KLHL13: variants seen among roughly 807,000 people sequenced by gnomAD.
The protein encoded by KLHL13 is kelch like family member 13.
KLHL13 carries 10 observed loss-of-function variants against 37.1 expected under a neutral mutation model. The ratio of observed to expected loss-of-function variants is 0.27; its 90% CI spans 0.17 to 0.46. The LOEUF (loss-of-function observed/expected upper bound fraction) is 0.46. Ranked by LOEUF, KLHL13 falls within the 20% of genes least tolerant of loss-of-function variation. The pLI, the probability that KLHL13 is intolerant of heterozygous loss-of-function variation, is 1.00. For synonymous variants in KLHL13, 163 were observed against 181.2 expected, an observed-to-expected ratio of 0.90 and a Z score of 0.81; for missense variants, 360 against 509.3, an observed-to-expected ratio of 0.71 and a Z score of 2.82.
intron 1 of KLHL13, chrX:117,985,390 T>C: frequency 2.0e-6 from 2 of 990,180 alleles, no homozygotes; most frequent in Non-Finnish European, 2.6e-6. Context: ...CCAGTGCATC[T>C]GCCTGGTACA....
chrX:117,956,767 TAA>T (rs2147844877), intron 1 of KLHL13, among the ~76,000 whole-genome samples: 1 of 111,457 alleles, frequency 9.0e-6, no homozygotes, highest in Admixed American at 9.6e-5. Context: ...GTCAAGGTGT[TAA>T]AAGTTTCCCT....
In KLHL13 at chrX:118,019,378, G is replaced by C. The variant is rs755712987; in HGVS notation, c.-55-73803C>G. On this transcript the variant is annotated intron_variant, in intron 1 of 6. Transcript: ENST00000371882. Reference sequence around the variant, plus strand: ...TGTAAATTTGTTTGAGCTCATTGTAGATTCTGGATATTAGCCCTTTGTCAG... The same window carrying C: ...TGTAAATTTGTTTGAGCTCATTGTACATTCTGGATATTAGCCCTTTGTCAG... 2.7e-5 allele frequency among the ~76,000 whole-genome samples: 3 copies of C among 110,528 alleles called. No individual in the cohort carries two copies. In the South Asian group the frequency reaches 1.1e-3, roughly 42 times the overall value.
chrX:117,999,234 G>C (rs1008495934), intron 1 of KLHL13, among the ~76,000 whole-genome samples: 2 of 111,667 alleles, frequency 1.8e-5, no homozygotes, highest in Non-Finnish European at 3.8e-5. Flanking sequence ...CTATAAAGAC[G>C]CATGCACACG....
chrX:117,918,827 C>T (rs1464709148), intron 4 of KLHL13, among the ~76,000 whole-genome samples: 6 of 111,737 alleles, frequency 5.4e-5, no homozygotes, highest in Admixed American at 4.7e-4. Context: ...TAAGATCTAG[C>T]TCCCTTATTA....
chrX:117,971,496 CTA>C (rs1171216845), intron 1 of KLHL13, among the ~76,000 whole-genome samples: 3 of 98,254 alleles, frequency 3.1e-5, no homozygotes, highest in African/African-American at 1.5e-4. Flanking sequence ...ACAAACTAGC[CTA>C]TTTTTTTTTT....
At chrX:117,946,992 T>C (rs1457868867) in intron 1 of KLHL13, 1 of 112,109 alleles carries the variant, frequency 8.9e-6, no homozygotes, top group African/African-American at 3.2e-5. Flanking sequence ...TATAACCATG[T>C]TTAATTCAAT....
intron 2 of KLHL13, among the ~76,000 whole-genome samples, chrX:117,930,284 G>A (rs1003003530): frequency 2.0e-5 from 2 of 100,695 alleles, no homozygotes; most frequent in Non-Finnish European, 4.0e-5. Context: ...AAGGAAGGAA[G>A]GAAGGAAGGC....
chrX:117,901,981 A>G lies in KLHL13; in HGVS notation c.1367-35T>C, dbSNP rs192834751. ...AAAAAAAGAAAAGAAAATTATTTTT[A>G]ACTTCAAATTTAGCAATTAATTATT... is the stretch of plus-strand genomic sequence containing the variant. On this transcript the variant is annotated intron_variant, in intron 5 of 6. Coordinates refer to ENST00000262820, the Ensembl canonical transcript of KLHL13. 2.1e-5 allele frequency: 16 copies of G among 767,942 alleles called. 1 individual carries two copies. The highest frequency in any genetic ancestry group is 4.3e-5 in the African/African-American group (2 of 46,521). 63.3% of individuals were successfully genotyped at this position (767,942 alleles called of 1,213,427 possible). A position where few individuals can be genotyped will look rare whatever the true frequency, so the allele number is the denominator to read the frequency against.
chrX:118,103,162 C>T (rs2055308928), intron 1 of KLHL13, among the ~76,000 whole-genome samples: 1 of 111,724 alleles, frequency 9.0e-6, no homozygotes, highest in Non-Finnish European at 1.9e-5. Flanking sequence ...CGGCACCTGA[C>T]TCCCTGACTC....
At chrX:118,064,465 C>A (rs745436604) in intron 1 of KLHL13, among the ~76,000 whole-genome samples, 3 of 111,443 alleles carry the variant, frequency 2.7e-5, no homozygotes, top group Non-Finnish European at 5.7e-5. Flanking sequence ...GAAGCCACTG[C>A]TATTTTAAAA....
At chrX:117,980,986 T>G (rs1352985026) in intron 1 of KLHL13, among the ~76,000 whole-genome samples, 1 of 112,105 alleles carries the variant, frequency 8.9e-6, no homozygotes, top group African/African-American at 3.2e-5. Context: ...TTTTCATGAC[T>G]ATTTCCAGAT....
intron 1 of KLHL13, among the ~76,000 whole-genome samples, chrX:117,999,865 C>T (rs1433602244): frequency 9.0e-6 from 1 of 111,284 alleles, no homozygotes; most frequent in Non-Finnish European, 1.9e-5. Context: ...CAAATTATAG[C>T]CCAGTTAGGT....
chrX:118,013,685 G>A (rs1468195569), intron 1 of KLHL13, among the ~76,000 whole-genome samples: 1 of 111,875 alleles, frequency 8.9e-6, no homozygotes, highest in Admixed American at 9.5e-5. Flanking sequence ...AAGGAAAAAA[G>A]ATAAATTATA....
At chrX:118,053,797 G>GAGAGAGAGAGAGAGAGAGGAGA (rs1421103239) in intron 1 of KLHL13, among the ~76,000 whole-genome samples, 1 of 56,138 alleles carries the variant, frequency 1.8e-5, no homozygotes, top group African/African-American at 8.0e-5. Context: ...GTGTGTGTGT[G>GAGAGAGAGAGAGAGAGAGGAGA]TGAGAGAGAG....
intron 2 of KLHL13, among the ~76,000 whole-genome samples, chrX:117,936,340 T>C (rs1391686876): frequency 1.8e-5 from 2 of 111,645 alleles, no homozygotes; most frequent in African/African-American, 6.5e-5. Context: ...AGGTATCAAA[T>C]GACTTTCTAG....
At chrX:118,037,744 T>C (rs2054466076) in intron 1 of KLHL13, among the ~76,000 whole-genome samples, 1 of 110,968 alleles carries the variant, frequency 9.0e-6, no homozygotes, top group African/African-American at 3.3e-5. Flanking sequence ...TAAAGTATAA[T>C]AGTAATTAAA....
At chrX:118,069,144 CA>C (rs2054827785) in intron 1 of KLHL13, among the ~76,000 whole-genome samples, 3 of 107,976 alleles carry the variant, frequency 2.8e-5, no homozygotes, top group Admixed American at 9.9e-5. Flanking sequence ...CACACACACA[CA>C]CACCCTCACC....
intron 1 of KLHL13, among the ~76,000 whole-genome samples, chrX:117,962,432 C>T (rs1279082305): frequency 9.1e-6 from 1 of 110,044 alleles, no homozygotes; most frequent in African/African-American, 3.3e-5. Context: ...AAGAGTACAC[C>T]AGCTACAGCA....
intron 1 of KLHL13, among the ~76,000 whole-genome samples, chrX:118,100,215 C>T (rs972106340): frequency 1.5e-4 from 17 of 111,693 alleles, no homozygotes; most frequent in Non-Finnish European, 3.0e-4. Context: ...CCAAAATGCA[C>T]CAGGAGAGTT....
Sources: gnomAD v4.1 joint callset for allele counts (sites outside exome capture counted in the v4.1 genomes callset) on GRCh38, gnomAD v4.1.1 for gene constraint, MANE v1.5 for transcripts, NCBI Gene and HGNC (gene_info 2026-07-23, HGNC 2026-07-21) for gene names.